PRKG1: variants seen among roughly 807,000 people sequenced by gnomAD.
The protein encoded by PRKG1 is protein kinase cGMP-dependent 1, also known as cGMP-dependent protein kinase 1.
In PRKG1, 35 loss-of-function variants were observed where a neutral mutation model predicts 88.1. That is an observed-to-expected ratio of 0.40 (90% CI 0.30 to 0.53). PRKG1 has a LOEUF of 0.53. Ranked by LOEUF, PRKG1 falls within the 20% of genes least tolerant of loss-of-function variation. The probability of loss-of-function intolerance (pLI) is 0.59; values close to 1 mark genes in which losing one functional copy is unlikely to be tolerated. For missense variants in PRKG1, 540 were observed against 839.8 expected (o/e 0.64, Z 4.41); for synonymous variants, 303 against 292.5 (o/e 1.04, Z -0.37).
intron 4 of PRKG1, among the ~76,000 whole-genome samples, chr10:51,857,431 C>T (rs1006129270): frequency 2.0e-5 from 3 of 152,280 alleles, no homozygotes; most frequent in Middle Eastern, 3.4e-3. Flanking sequence ...TGCTCGAGGA[C>T]TTCAGAATCT....
chr10:51,333,932 CT>C (rs144425610), intron 2 of PRKG1, among the ~76,000 whole-genome samples: 3,058 of 152,272 alleles, frequency 0.02, 43 homozygotes, highest in Non-Finnish European at 0.032. Flanking sequence ...CATTTTTGCC[CT>C]GCTTAAATTC....
intron 9 of PRKG1, among the ~76,000 whole-genome samples, chr10:52,217,135 TC>T (rs1180211608): frequency 6.6e-6 from 1 of 152,122 alleles, no homozygotes. Flanking sequence ...TTCCCTTTCT[TC>T]CAAAATAGCA....
intron 2 of PRKG1, among the ~76,000 whole-genome samples, chr10:51,439,606 T>C (rs1839037248): frequency 6.6e-6 from 1 of 151,848 alleles, no homozygotes; most frequent in African/African-American, 2.4e-5. Context: ...AGTCAAAAAG[T>C]ATAGAAGTAG....
chr10:51,830,449 C>G, intron 4 of PRKG1, among the ~76,000 whole-genome samples: 1 of 151,596 alleles, frequency 6.6e-6, no homozygotes, highest in East Asian at 1.9e-4. Flanking sequence ...TACACATTCA[C>G]TAATAATAGG....
At chr10:52,016,246 G>A (rs969813496) in intron 5 of PRKG1, among the ~76,000 whole-genome samples, 1 of 152,170 alleles carries the variant, frequency 6.6e-6, no homozygotes, top group African/African-American at 2.4e-5. Context: ...ACATGACTGG[G>A]GAAACCTCAG....
At chr10:51,946,289 G>A (rs938616512) in intron 5 of PRKG1, among the ~76,000 whole-genome samples, 4 of 151,796 alleles carry the variant, frequency 2.6e-5, no homozygotes, top group African/African-American at 4.9e-5. Flanking sequence ...CATAGTTCTC[G>A]AGCCTTGGCT....
At chr10:51,905,072 C>T (rs1489785662) in intron 4 of PRKG1, among the ~76,000 whole-genome samples, 2 of 152,152 alleles carry the variant, frequency 1.3e-5, no homozygotes, top group Admixed American at 1.3e-4. Context: ...TCTAATTATT[C>T]ATCTCAGAAG....
chr10:51,383,554 ATGTAGCACATCC>A (rs1408745204), intron 2 of PRKG1, among the ~76,000 whole-genome samples: 7 of 152,182 alleles, frequency 4.6e-5, no homozygotes, highest in Non-Finnish European at 7.3e-5. Context: ...GCCCAAGTAC[ATGTAGCACATCC>A]TGTGGAGCTG....
At chr10:51,489,028 A>G (rs1407917311) in intron 3 of PRKG1, among the ~76,000 whole-genome samples, 1 of 152,172 alleles carries the variant, frequency 6.6e-6, no homozygotes, top group Admixed American at 6.6e-5. Flanking sequence ...CAGGATGTCA[A>G]GGTATTAGAG....
chr10:52,231,038 T>C (rs1840508688), intron 9 of PRKG1: 1 of 152,254 alleles, frequency 6.6e-6, no homozygotes, highest in Non-Finnish European at 1.5e-5. Flanking sequence ...ATTTGAATTA[T>C]GTGCTTCTTC....
chr10:51,993,769 A>C (rs1386237454), intron 5 of PRKG1, among the ~76,000 whole-genome samples: 1 of 152,192 alleles, frequency 6.6e-6, no homozygotes, highest in Admixed American at 6.5e-5. Context: ...TTTGATTTAC[A>C]TGACAATTGT....
chr10:51,126,766 G>T (rs547189593), intron 1 of PRKG1, among the ~76,000 whole-genome samples: 14 of 151,902 alleles, frequency 9.2e-5, no homozygotes, highest in African/African-American at 3.4e-4. Flanking sequence ...TACCAAAGCA[G>T]ATAGACCAAT....
intron 3 of PRKG1, among the ~76,000 whole-genome samples, chr10:51,649,574 T>G (rs1164931360): frequency 6.6e-6 from 1 of 152,168 alleles, no homozygotes; most frequent in African/African-American, 2.4e-5. Flanking sequence ...GTGTCACCGA[T>G]AGAGAGTCGT....
At position 52,050,898 on chromosome 10, in the gene PRKG1, G is replaced by C. The variant is rs1001916958; in HGVS notation, c.763-3586G>C. On this transcript the variant is annotated intron_variant, in intron 5 of 17. Transcript: ENST00000373980. ...AAAAAATTTAGAGTAATTGCTATCA[G>C]CTGGGGACAGTTTTGTTCCCAATGG... Among the ~76,000 whole-genome samples, 5 of 152,226 alleles carry C rather than the reference G, an allele frequency of 3.3e-5. No homozygotes were observed. In the East Asian group the frequency reaches 9.7e-4, roughly 29 times the overall value.
At chr10:51,093,395 A>G (rs1044402191) in intron 1 of PRKG1, among the ~76,000 whole-genome samples, 16 of 152,166 alleles carry the variant, frequency 1.1e-4, no homozygotes, top group Admixed American at 6.6e-4. Flanking sequence ...GGTGCCCAAA[A>G]TAATGGAGCA....
intron 1 of PRKG1, among the ~76,000 whole-genome samples, chr10:51,008,045 A>C (rs1388838629): frequency 6.6e-6 from 1 of 152,194 alleles, no homozygotes; most frequent in African/African-American, 2.4e-5. Flanking sequence ...GGGCTCTGAC[A>C]CTATACTACA....
At position 51,787,910 on chromosome 10, in the gene PRKG1, C is replaced by T. The variant is rs551770619; in HGVS notation, c.593-16675C>T. ...AGGAGATGACACAAAGAGAAACATA[C>T]TTAGTTACAACTGGAATTTGATGGA... is the stretch of plus-strand genomic sequence containing the variant. On this transcript the variant is annotated intron_variant, in intron 3 of 17. Transcript: ENST00000373980. Among the ~76,000 whole-genome samples, 3 of 152,238 alleles carry T rather than the reference C, an allele frequency of 2.0e-5. No homozygotes were observed. In the East Asian group the frequency reaches 5.8e-4, roughly 29 times the overall value.
intron 9 of PRKG1, among the ~76,000 whole-genome samples, chr10:52,213,824 T>C (rs957681940): frequency 6.6e-6 from 1 of 152,190 alleles, no homozygotes; most frequent in South Asian, 2.1e-4. Context: ...TCTACCTCTA[T>C]GTAAATGTAA....
At chr10:51,875,854 G>A (rs898248225) in intron 4 of PRKG1, among the ~76,000 whole-genome samples, 3 of 151,952 alleles carry the variant, frequency 2.0e-5, no homozygotes, top group Non-Finnish European at 2.9e-5. Flanking sequence ...CCAAGCATAC[G>A]TATCCAGTAC....
Sources: gnomAD v4.1 joint callset for allele counts (sites outside exome capture counted in the v4.1 genomes callset) on GRCh38, gnomAD v4.1.1 for gene constraint, MANE v1.5 for transcripts, NCBI Gene and HGNC (gene_info 2026-07-23, HGNC 2026-07-21) for gene names.